Variants in CBX6 observed in about 807,000 individuals in gnomAD.
The protein encoded by CBX6 is chromobox protein homolog 6.
A neutral mutation model predicts 28.4 loss-of-function variants in CBX6; 7 were observed. The ratio of observed to expected loss-of-function variants is 0.25; its 90% CI spans 0.14 to 0.46. The LOEUF (loss-of-function observed/expected upper bound fraction) is 0.46, where lower values mean the gene tolerates loss of function less well. Ranked by LOEUF, CBX6 falls within the 20% of genes least tolerant of loss-of-function variation. The pLI is 0.99. For missense variants in CBX6, 512 were observed against 606.1 expected, an observed-to-expected ratio of 0.84 and a Z score of 1.63; for synonymous variants, 297 against 273.4, an observed-to-expected ratio of 1.09 and a Z score of -0.85.
intron 4 of CBX6, among the ~76,000 whole-genome samples, chr22:38,868,035 G>A (rs570479058): frequency 5.3e-5 from 8 of 152,328 alleles, no homozygotes; most frequent in African/African-American, 1.9e-4. Context: ...TCCCAGGCCT[G>A]TCCTTCCAGC....
At chr22:38,868,299 C>T (rs539804586) in intron 4 of CBX6, among the ~76,000 whole-genome samples, 165 of 152,290 alleles carry the variant, frequency 1.1e-3, no homozygotes, top group Non-Finnish European at 2.0e-3. Context: ...ACAGGGAGGA[C>T]GGTGGGCAGT....
intron 4 of CBX6, among the ~76,000 whole-genome samples, chr22:38,867,584 C>T (rs2146214189): frequency 6.6e-6 from 1 of 152,340 alleles, no homozygotes; most frequent in Admixed American, 6.5e-5. Context: ...GAAGCCCCTG[C>T]TAAACCCCTG....
intron 4 of CBX6, among the ~76,000 whole-genome samples, chr22:38,869,280 G>C (rs1568996797): frequency 1.3e-5 from 2 of 152,166 alleles, no homozygotes; most frequent in African/African-American, 4.8e-5. Flanking sequence ...AGTGGTGACG[G>C]ACTGTTCCTG....
intron 4 of CBX6, 27 bp from the exon 5 acceptor site, chr22:38,867,228 G>GGGGGGGGGGGA: frequency 1.9e-6 from 1 of 518,864 alleles, no homozygotes; most frequent in Non-Finnish European, 3.6e-6. Flanking sequence ...GGGTGGGTGG[G>GGGGGGGGGGGA]ACCTCAGGAC....
At chr22:38,868,865 C>A (rs114742138) in intron 4 of CBX6, among the ~76,000 whole-genome samples, 1 of 152,190 alleles carries the variant, frequency 6.6e-6, no homozygotes, top group Admixed American at 6.5e-5. Context: ...CATTTGATCA[C>A]AACTCTCAGG....
Position 38,863,227 on chromosome 22 carries a change from G to C in CBX6, c.*2982C>G, listed in dbSNP as rs1470703640. On this transcript the variant is annotated 3_prime_UTR_variant, in exon 5 of 5. Coordinates refer to ENST00000407418, the MANE Select transcript of CBX6 (RefSeq NM_014292.5). The stretch of plus-strand genomic sequence containing the variant: ...CAGAGTGGGCACCCAGACAGGGATG[G>C]GTCCCAACTTACCGTCTCAAACCAG... 6.6e-6 allele frequency: 1 copy of C among 152,160 alleles called. No individual in the cohort carries two copies. The highest frequency in any genetic ancestry group is 1.5e-5 in the Non-Finnish European group (1 of 68,052). The allele number at this position is 152,160 out of a possible 1,614,324, so 9.4% of individuals were successfully genotyped here.
chr22:38,866,322 T>C lies in CBX6; in HGVS notation c.1126A>G (p.Asn376Asp). The change falls in exon 5 of 5, where the codon AAC (asparagine) becomes GAC (aspartate). Residue 376 changes from asparagine to aspartate, a missense_variant. Physicochemically the swap from Asn to Asp is conservative, Grantham distance 23 (BLOSUM62 1). Coordinates refer to ENST00000407418, the MANE Select transcript of CBX6 (RefSeq NM_014292.5). This position sits in a 1 kb window ranked among gnomAD's most constrained non-coding sequence, Gnocchi z 7.5. ...TCCTTGATTGTGACCGTCAGGAGGTTGCTGGTGACATCGGTGACGACCACA... is the reference window on the plus strand; with the variant it reads ...TCCTTGATTGTGACCGTCAGGAGGTCGCTGGTGACATCGGTGACGACCACA... ...SNVVVTDVTS[N>D]LLTVTIKEFC... 3.1e-6 allele frequency: 5 copies of C among 1,613,956 alleles called. No individual in the cohort carries two copies. The highest frequency in any genetic ancestry group is 4.2e-6 in the Non-Finnish European group (5 of 1,179,982).
chr22:38,862,956 C>T lies in CBX6; in HGVS notation c.*3253G>A, dbSNP rs1454515839. 1 of 152,288 alleles carries T rather than the reference C, an allele frequency of 6.6e-6. No homozygotes were observed. The highest frequency in any genetic ancestry group is 2.4e-5 in the African/African-American group (1 of 41,474). 9.4% of individuals were successfully genotyped at this position (152,288 alleles called of 1,614,324 possible). On this transcript the variant is annotated 3_prime_UTR_variant, in exon 5 of 5. Transcript: ENST00000407418. The stretch of plus-strand genomic sequence containing the variant: ...AAGGGGCCATCCCCCCAACTCTGTC[C>T]ACCTCACACTGAAGTTGGGGACTTG...
rs1188451399 is a variant in CBX6, at chr22:38,864,275, C to G, written c.*1934G>C. ...TGTTTTTTTGCAAAACTAATTCTTT[C>G]ACTTTCCTGTCATAAAATCACCTCT... On this transcript the variant is annotated 3_prime_UTR_variant, in exon 5 of 5. Coordinates refer to ENST00000407418, the MANE Select transcript of CBX6 (RefSeq NM_014292.5). 2.2e-5 allele frequency: 3 copies of G among 137,258 alleles called. No individual in the cohort carries two copies. Among genetic ancestry groups the G allele is most frequent in the Non-Finnish European group, 4.6e-5 (3 of 65,122 alleles). The allele number at this position is 137,258 out of a possible 1,614,324, so 8.5% of individuals were successfully genotyped here.
rs1464156857 is a variant in CBX6 at position 38,861,604 on chromosome 22, C to G, written c.*4605G>C. ...GCACAGACCCACCCCTCCCCCGGAACCGCCGAATCCAGAATGGAGCCCAAA... is the reference window on the plus strand; with the variant it reads ...GCACAGACCCACCCCTCCCCCGGAAGCGCCGAATCCAGAATGGAGCCCAAA... On this transcript the variant is annotated 3_prime_UTR_variant, in exon 5 of 5. Coordinates refer to ENST00000407418, the MANE Select transcript of CBX6 (RefSeq NM_014292.5). 1 of 152,234 alleles carries G rather than the reference C, an allele frequency of 6.6e-6. No homozygotes were observed. The highest frequency in any genetic ancestry group is 1.9e-4 in the East Asian group (1 of 5,182). 9.4% of individuals were successfully genotyped at this position (152,234 alleles called of 1,614,324 possible).
chr22:38,867,212 A>T lies in CBX6; in HGVS notation c.247-11T>A. On this transcript the variant is annotated splice_polypyrimidine_tract_variant and intron_variant, in intron 4 of 4. Coordinates refer to ENST00000407418, the MANE Select transcript of CBX6 (RefSeq NM_014292.5). ...GGCCTGGGCCCGCGCCTGCGGGCAG[A>T]GGGAGGGGTGGGTGGGACCTCAGGA... 27 of 400,290 alleles carry T rather than the reference A, an allele frequency of 6.7e-5. No individual in the cohort carries two copies. Among genetic ancestry groups the T allele is most frequent in the Middle Eastern group, 3.6e-4 (1 of 2,794 alleles). 24.8% of individuals were successfully genotyped at this position (400,290 alleles called of 1,614,324 possible). A position where few individuals can be genotyped will look rare whatever the true frequency, so the allele number is the denominator to read the frequency against.
Position 38,871,358 on chromosome 22 carries a change from G to A in CBX6, c.246+122C>T, listed in dbSNP as rs764236806. 1.1e-6 allele frequency: 1 copy of A among 950,022 alleles called. No individual in the cohort carries two copies. Among genetic ancestry groups the A allele is most frequent in the Admixed American group, 2.5e-5 (1 of 40,040 alleles). The allele number at this position is 950,022 out of a possible 1,614,324, so 58.8% of individuals were successfully genotyped here. On this transcript the variant is annotated intron_variant, in intron 4 of 4. Transcript: ENST00000407418. The surrounding 1 kb of genome is among the most constrained non-coding windows in gnomAD (Gnocchi z 5.6). ...TCACAACCACCCCCTGCCCAGCTGG[G>A]GCCCCTCTGAAAAGGCCGGCCCGCT...
rs559300132 is a variant in CBX6 at position 38,866,190 on chromosome 22, C to G, written c.*19G>C. On this transcript the variant is annotated 3_prime_UTR_variant, in exon 5 of 5. Coordinates refer to ENST00000407418, the MANE Select transcript of CBX6 (RefSeq NM_014292.5). The surrounding 1 kb of genome is among the most constrained non-coding windows in gnomAD (Gnocchi z 7.5). ...GGGCAGGAGGGCCCCCCCAAGCCCC[C>G]CTCCTTGGTGGAGCCCCCTCACTTG... 1.9e-6 allele frequency: 3 copies of G among 1,554,110 alleles called. No individual in the cohort carries two copies. The highest frequency in any genetic ancestry group is 2.3e-5 in the East Asian group (1 of 43,552).
In CBX6 at chr22:38,872,205, C is replaced by A; in HGVS notation, c.-15G>T. On this transcript the variant is annotated 5_prime_UTR_variant, in exon 1 of 5. Transcript: ENST00000407418. This position sits in a 1 kb window ranked among gnomAD's most constrained non-coding sequence, Gnocchi z 5.0. Reference sequence around the variant, plus strand: ...GACAGCTCCATCTTGCTCAGCGGCACCCACAGCCCATAATACTCCCTGCGC... The same window carrying A: ...GACAGCTCCATCTTGCTCAGCGGCAACCACAGCCCATAATACTCCCTGCGC... The A allele has an allele frequency of 7.2e-7, 1 of 1,381,562 alleles. No homozygotes were observed. Among genetic ancestry groups the A allele is most frequent in the Non-Finnish European group, 9.5e-7 (1 of 1,047,152 alleles). The allele number at this position is 1,381,562 out of a possible 1,614,324, so 85.6% of individuals were successfully genotyped here.
intron 4 of CBX6, among the ~76,000 whole-genome samples, chr22:38,868,700 G>A (rs921783881): frequency 2.6e-5 from 4 of 152,148 alleles, no homozygotes; most frequent in African/African-American, 4.8e-5. Context: ...AGATGGTTGG[G>A]ACCGAGAAGA....
rs2093163425 is a variant in CBX6, at chr22:38,863,931, G to A, written c.*2278C>T. ...ACCAGCCCCCTGGAGAAAATCACCA[G>A]TGACAACCCCCACCCTCCCAAACCT... On this transcript the variant is annotated 3_prime_UTR_variant, in exon 5 of 5. Transcript: ENST00000407418. 6.6e-6 allele frequency: 1 copy of A among 152,242 alleles called. No homozygotes were observed. Among genetic ancestry groups the A allele is most frequent in the South Asian group, 2.1e-4 (1 of 4,834 alleles). The allele number at this position is 152,242 out of a possible 1,614,324, so 9.4% of individuals were successfully genotyped here.
Position 38,871,997 on chromosome 22 carries a change from A to G in CBX6, c.70-52T>C. ...GGGTGGGGGTGGGGAGGATGCGGGG[A>G]CGCGAGGAGGCGGCGGCGCGGGGCT... On this transcript the variant is annotated intron_variant, in intron 1 of 4. Transcript: ENST00000407418. This position sits in a 1 kb window ranked among gnomAD's most constrained non-coding sequence, Gnocchi z 5.6. 1 of 1,425,908 alleles carries G rather than the reference A, an allele frequency of 7.0e-7. No homozygotes were observed. Among genetic ancestry groups the G allele is most frequent in the Non-Finnish European group, 9.3e-7 (1 of 1,074,032 alleles). The allele number at this position is 1,425,908 out of a possible 1,614,324, so 88.3% of individuals were successfully genotyped here.
chr22:38,871,299 G>T lies in CBX6; in HGVS notation c.246+181C>A, dbSNP rs769350215. 1 of 669,850 alleles carries T rather than the reference G, an allele frequency of 1.5e-6. No individual in the cohort carries two copies. Among genetic ancestry groups the T allele is most frequent in the Non-Finnish European group, 2.7e-6 (1 of 375,444 alleles). 41.5% of individuals were successfully genotyped at this position (669,850 alleles called of 1,614,324 possible). A position where few individuals can be genotyped will look rare whatever the true frequency, so the allele number is the denominator to read the frequency against. Reference sequence around the variant, plus strand: ...AACCCTCTTGTTGAAGCTGATGCTGGCTGAGGCCTGCCATCAGGGGCTTCT... The same window carrying T: ...AACCCTCTTGTTGAAGCTGATGCTGTCTGAGGCCTGCCATCAGGGGCTTCT... On this transcript the variant is annotated intron_variant, in intron 4 of 4. Coordinates refer to ENST00000407418, the MANE Select transcript of CBX6 (RefSeq NM_014292.5). The surrounding 1 kb of genome is among the most constrained non-coding windows in gnomAD (Gnocchi z 5.6).
At chr22:38,867,228 G>GGGGCTGGGGGGGGGGGGGGGGGC in intron 4 of CBX6, 27 bp from the exon 5 acceptor site, 2 of 518,866 alleles carry the variant, frequency 3.9e-6, no homozygotes, top group Non-Finnish European at 7.2e-6. Context: ...GGGTGGGTGG[G>GGGGCTGGGGGGGGGGGGGGGGGC]ACCTCAGGAC....
Sources: gnomAD v4.1 joint callset for allele counts (sites outside exome capture counted in the v4.1 genomes callset) on GRCh38, gnomAD v4.1.1 for gene constraint, Gnocchi (gnomAD v3.1) non-coding constraint, MANE v1.5 for transcripts, NCBI Gene and HGNC (gene_info 2026-07-23, HGNC 2026-07-21) for gene names.